The following KIF17 variants were observed in gnomAD, a reference collection of about 807,000 sequenced individuals.
KIF17 encodes the protein kinesin family member 17, also known as kinesin-like protein KIF17.
A neutral mutation model predicts 96.8 loss-of-function variants in KIF17; 80 were observed. That is an observed-to-expected ratio of 0.83 (90% confidence interval 0.69 to 1.00). The LOEUF (loss-of-function observed/expected upper bound fraction) is 1.00. KIF17 is among the 50% of genes least tolerant of loss of function. The pLI, the probability that KIF17 is intolerant of heterozygous loss-of-function variation, is 0.00. For synonymous variants in KIF17, 567 were observed against 587.5 expected (o/e 0.97, Z 0.51); for missense variants, 1,280 against 1,372.9 (o/e 0.93, Z 1.07).
intron 11 of KIF17, among the ~76,000 whole-genome samples, chr1:20,674,816 T>C (rs1167003607): frequency 6.6e-6 from 1 of 152,090 alleles, no homozygotes; most frequent in Non-Finnish European, 1.5e-5. Context: ...TTGACAAGAC[T>C]GTCCTTTCAC....
chr1:20,682,588 C>A, intron 11 of KIF17, 65 bp downstream of exon 11: 1 of 1,395,396 alleles, frequency 7.2e-7, no homozygotes, highest in Non-Finnish European at 1.0e-6. Context: ...TGTAGGGATG[C>A]CTGGATCGGG....
downstream of KIF17, chr1:20,661,647 G>A (rs1221479165): frequency 6.0e-6 from 3 of 503,598 alleles, no homozygotes; most frequent in African/African-American, 1.9e-5. Context: ...CAACGAGGCC[G>A]AGCGCCCTTT....
chr1:20,697,869 A>G (rs2054168851), intron 6 of KIF17, among the ~76,000 whole-genome samples: 1 of 152,174 alleles, frequency 6.6e-6, no homozygotes, highest in Non-Finnish European at 1.5e-5. Context: ...AGGCACTCAG[A>G]TGAGAGGTGC....
intron 11 of KIF17, among the ~76,000 whole-genome samples, chr1:20,674,565 A>G (rs1157221502): frequency 7.0e-6 from 1 of 142,754 alleles, no homozygotes; most frequent in East Asian, 2.0e-4. Flanking sequence ...GCACCATCCA[A>G]TTTATCCCTC....
chr1:20,715,659 G>A lies in KIF17; in HGVS notation c.232-20C>T. 1 of 1,613,634 alleles carries A rather than the reference G, an allele frequency of 6.2e-7. No homozygotes were observed. Among genetic ancestry groups the A allele is most frequent in the Non-Finnish European group, 8.5e-7 (1 of 1,180,022 alleles). On this transcript the variant is annotated intron_variant, in intron 1 of 14. Transcript: ENST00000400463. ...GACGCCCTGCATGGGAGGAAGGCAGGACCCCGTGCTCAGTGGAGCAGGCAC... is the reference window on the plus strand; with the variant it reads ...GACGCCCTGCATGGGAGGAAGGCAGAACCCCGTGCTCAGTGGAGCAGGCAC...
rs2053924150 is a variant in KIF17 at position 20,685,644 on chromosome 1, T to C, written c.2019+402A>G. Among the ~76,000 whole-genome samples, 1 of 152,100 alleles carries C rather than the reference T, an allele frequency of 6.6e-6. No homozygotes were observed. Among genetic ancestry groups the C allele is most frequent in the South Asian group, 2.1e-4 (1 of 4,820 alleles). ...GAGTCCAAACTGTCTTCTTCCTCTA[T>C]AAATGTAGGGAGATTTAAAGCTTCC... On this transcript the variant is annotated intron_variant, in intron 9 of 14. Transcript: ENST00000400463. The surrounding 1 kb of genome is among the most constrained non-coding windows in gnomAD (Gnocchi z 4.1).
chr1:20,715,761 A>T, intron 1 of KIF17, 122 bp from the exon 2 acceptor site: 1 of 1,157,612 alleles, frequency 8.6e-7, no homozygotes. Flanking sequence ...ATGGCACTGG[A>T]CTGTGGAGAT....
chr1:20,716,241 CAAAAAAAAA>C (rs71585780), intron 1 of KIF17, among the ~76,000 whole-genome samples: 1 of 111,774 alleles, frequency 8.9e-6, no homozygotes, highest in Non-Finnish European at 1.8e-5. Flanking sequence ...GACTCCGTCT[CAAAAAAAAA>C]AAAAAAAAAA....
chr1:20,676,681 A>G (rs1006450351), intron 11 of KIF17, among the ~76,000 whole-genome samples: 1 of 152,092 alleles, frequency 6.6e-6, no homozygotes. Context: ...AATACAAAAA[A>G]TTAGCCAGGC....
rs762645455 is a variant in KIF17, at chr1:20,709,719, G to C, written c.590C>G (p.Ser197Trp). The C allele has an allele frequency of 1.9e-6, 3 of 1,614,130 alleles. No individual in the cohort carries two copies. In the Admixed American group the frequency reaches 5.0e-5, roughly 27 times the overall value. The change falls in exon 4 of 15, where the codon TCG becomes TGG. Residue 197 changes from serine to tryptophan, a missense_variant. Transcript: ENST00000400463. The surrounding 1 kb of genome is among the most constrained non-coding windows in gnomAD (Gnocchi z 4.7). ...CTTGTTCATCAGCGTGTAGCCGACC[G>C]AACGGTTCTTCCAGCCAGTCTCCAT... ...HIMETGWKNR[S>W]VGYTLMNKDS...
Position 20,690,352 on chromosome 1 carries a change from G to GTCCCC in KIF17, c.1234-18_1234-17insGGGGA. On this transcript the variant is annotated splice_polypyrimidine_tract_variant and intron_variant, in intron 6 of 14. Transcript: ENST00000400463. ...TTCATACTCCTGGGGGGGTGGGAGG[G>GTCCCC]ACCAGAGGGCAGGCAGCATTTTATC... 8.9e-6 allele frequency: 4 copies of GTCCCC among 451,168 alleles called. No homozygotes were observed. The highest frequency in any genetic ancestry group is 1.7e-5 in the Non-Finnish European group (4 of 235,148). 27.9% of individuals were successfully genotyped at this position (451,168 alleles called of 1,614,324 possible).
intron 14 of KIF17, 36 bp downstream of exon 14, chr1:20,666,178 G>T (rs754759361): frequency 2.0e-5 from 29 of 1,440,244 alleles, no homozygotes; most frequent in Non-Finnish European, 2.7e-5. Flanking sequence ...TCTCCCAGTT[G>T]TGTGGAGAGG....
intron 1 of KIF17, among the ~76,000 whole-genome samples, chr1:20,715,948 A>G (rs1321263321): frequency 1.3e-5 from 2 of 152,178 alleles, no homozygotes; most frequent in African/African-American, 4.8e-5. Context: ...TGATAAGATG[A>G]TAAGAAAAAC....
intron 14 of KIF17, among the ~76,000 whole-genome samples, chr1:20,665,830 A>G (rs2053516731): frequency 6.6e-6 from 1 of 152,226 alleles, no homozygotes; most frequent in Non-Finnish European, 1.5e-5. Context: ...TGATAAGTGA[A>G]GTCAATCTGC....
chr1:20,663,656 C>A (rs1331184461), downstream of KIF17, among the ~76,000 whole-genome samples: 1 of 152,164 alleles, frequency 6.6e-6, no homozygotes, highest in East Asian at 1.9e-4. Context: ...TAGGTACCCC[C>A]CTATGTGGGC....
chr1:20,709,655 G>C lies in KIF17; in HGVS notation c.654C>G (p.Ile218Met), dbSNP rs748147904. ...SRSHSIFTIS[I>M]EMSAVDERGK... ...CTCGCATACCCACGGCAGACATCTC[G>C]ATGCTGATGGTGAAGATGGAGTGCG... The change falls in exon 4 of 15, where the codon ATC becomes ATG. Residue 218 changes from isoleucine to methionine, a missense_variant. Transcript: ENST00000400463. The surrounding 1 kb of genome is among the most constrained non-coding windows in gnomAD (Gnocchi z 4.7). 5.0e-6 allele frequency: 8 copies of C among 1,613,926 alleles called. No individual in the cohort carries two copies. In the African/African-American group the frequency reaches 6.7e-5, roughly 13 times the overall value.
intron 5 of KIF17, among the ~76,000 whole-genome samples, chr1:20,701,350 G>A (rs2054231868): frequency 6.6e-6 from 1 of 152,190 alleles, no homozygotes; most frequent in Non-Finnish European, 1.5e-5. Context: ...AGAATCGCTT[G>A]AACCCGGGAG....
rs1020176295 is a variant in KIF17, at chr1:20,669,782, C to T, written c.2790+639G>A. On this transcript the variant is annotated intron_variant, in intron 13 of 14. Transcript: ENST00000400463. ...AGCTGAGGCCAAGGCAGGAGAATTGCTTGAACCTGGGAGGCAGAGGTTGCA... is the reference window on the plus strand; with the variant it reads ...AGCTGAGGCCAAGGCAGGAGAATTGTTTGAACCTGGGAGGCAGAGGTTGCA... 4.6e-5 allele frequency among the ~76,000 whole-genome samples: 6 copies of T among 130,750 alleles called. No homozygotes were observed. The South Asian group carries it at 1.0e-3, about 23-fold the overall frequency. 85.8% of individuals were successfully genotyped at this position (130,750 alleles called of 152,430 possible).
intron 10 of KIF17, among the ~76,000 whole-genome samples, chr1:20,683,511 C>T (rs767952050): frequency 2.9e-4 from 44 of 152,070 alleles, no homozygotes; most frequent in East Asian, 2.1e-3. Flanking sequence ...AAAAATTAGC[C>T]GGGCGTGATG....
Sources: allele counts gnomAD v4.1 joint callset (sites outside exome capture counted in the v4.1 genomes callset), GRCh38; gene constraint gnomAD v4.1.1; non-coding constraint Gnocchi (gnomAD v3.1); transcripts MANE v1.5; gene names NCBI Gene and HGNC (gene_info 2026-07-23, HGNC 2026-07-21).